The following HAUS6 variants were observed in gnomAD, a reference collection of about 807,000 sequenced individuals.
The protein encoded by HAUS6 is HAUS augmin like complex subunit 6, also known as HAUS augmin-like complex subunit 6.
A neutral mutation model predicts 106.8 loss-of-function variants in HAUS6; 80 were observed. That is an observed-to-expected ratio of 0.75 (90% CI 0.63 to 0.90). HAUS6 has a LOEUF of 0.90. Among genes scored for constraint, HAUS6 ranks in the 40% least tolerant of loss-of-function variants. The pLI is 0.00. For missense variants in HAUS6, 1,155 were observed against 1,118.1 expected (o/e 1.03, Z -0.47); for synonymous variants, 356 against 379.1 (o/e 0.94, Z 0.71).
At chr9:19,101,738 G>A (rs569511144) in intron 1 of HAUS6, among the ~76,000 whole-genome samples, 1 of 152,302 alleles carries the variant, frequency 6.6e-6, no homozygotes, top group South Asian at 2.1e-4. Flanking sequence ...TGGCCAACAT[G>A]GTGAAACCCC....
chr9:19,074,098 T>C (rs1409942422), intron 11 of HAUS6, among the ~76,000 whole-genome samples: 1 of 151,980 alleles, frequency 6.6e-6, no homozygotes, highest in Non-Finnish European at 1.5e-5. Flanking sequence ...ATATAAAAAA[T>C]TAGCCAGGCA....
chr9:19,092,916 C>CAAAAAAAAAAA (rs71494998), intron 4 of HAUS6, among the ~76,000 whole-genome samples: 90 of 76,074 alleles, frequency 1.2e-3, no homozygotes, highest in Middle Eastern at 7.7e-3. Flanking sequence ...AACTGTGTCT[C>CAAAAAAAAAAA]AAAAAAAAAA....
At chr9:19,064,745 C>T (rs1836723446) in intron 12 of HAUS6, among the ~76,000 whole-genome samples, 2 of 152,200 alleles carry the variant, frequency 1.3e-5, no homozygotes, top group Non-Finnish European at 1.5e-5. Flanking sequence ...CTCTTAGAGT[C>T]TTTGCCTACG....
At position 19,059,020 on chromosome 9, in the gene HAUS6, AAC is replaced by A. The variant is rs934703049; in HGVS notation, c.1766-21_1766-20del. ...TCAGTTACTAATTAAAGGGGAGAAA[AAC>A]ACAGTTTACTAACATTCCCAAACAT... On this transcript the variant is annotated intron_variant, in intron 15 of 16. Transcript: ENST00000380502. 5.9e-6 allele frequency: 8 copies of A among 1,358,740 alleles called. No homozygotes were observed. The highest frequency in any genetic ancestry group is 8.3e-6 in the Non-Finnish European group (8 of 961,644). The allele number at this position is 1,358,740 out of a possible 1,614,324, so 84.2% of individuals were successfully genotyped here.
chr9:19,071,276 A>G (rs1477628254), intron 11 of HAUS6, among the ~76,000 whole-genome samples: 1 of 152,224 alleles, frequency 6.6e-6, no homozygotes, highest in African/African-American at 2.4e-5. Flanking sequence ...GGAGGTATCT[A>G]AAGAAAATAC....
intron 4 of HAUS6, 108 bp from the exon 5 acceptor site, chr9:19,089,667 T>G: frequency 1.5e-6 from 1 of 664,838 alleles, no homozygotes; most frequent in Non-Finnish European, 2.4e-6. Context: ...AATCTCCCAC[T>G]GCTAAATCTG....
At chr9:19,096,910 A>G in intron 1 of HAUS6, 141 bp from the exon 2 acceptor site, 1 of 471,558 alleles carries the variant, frequency 2.1e-6, no homozygotes, top group East Asian at 3.6e-5. Flanking sequence ...TTTCTCATTC[A>G]TGTGTATTTT....
intron 14 of HAUS6, 82 bp from the exon 15 acceptor site, chr9:19,060,305 G>T: frequency 9.2e-7 from 1 of 1,091,318 alleles, no homozygotes; most frequent in Non-Finnish European, 1.3e-6. Flanking sequence ...AGGATAATAA[G>T]CACTTCACAG....
intron 4 of HAUS6, among the ~76,000 whole-genome samples, chr9:19,090,707 G>C (rs1817727069): frequency 1.3e-5 from 2 of 152,114 alleles, no homozygotes; most frequent in South Asian, 4.2e-4. Flanking sequence ...AAAAAGATAA[G>C]AGGAGATCAC....
intron 11 of HAUS6, among the ~76,000 whole-genome samples, chr9:19,072,334 G>A (rs1490079958): frequency 2.0e-5 from 3 of 152,094 alleles, no homozygotes; most frequent in Non-Finnish European, 4.4e-5. Flanking sequence ...TCAACATGGT[G>A]AAACCCCGTC....
At chr9:19,060,257 A>G (rs1458772179) in intron 14 of HAUS6, 34 bp from the exon 15 acceptor site, 2 of 1,481,640 alleles carry the variant, frequency 1.3e-6, no homozygotes, top group Admixed American at 2.7e-5. Context: ...AGCAAAGATT[A>G]CCAAGCCCAT....
intron 2 of HAUS6, among the ~76,000 whole-genome samples, chr9:19,095,429 C>T (rs188587083): frequency 6.3e-4 from 94 of 150,384 alleles, no homozygotes; most frequent in African/African-American, 2.2e-3. Context: ...CCATGGTTGA[C>T]GGGTTTCAAA....
rs1333520620 is a variant in HAUS6 at position 19,080,697 on chromosome 9, A to C, written c.871-25T>G. 2.1e-6 allele frequency: 3 copies of C among 1,411,476 alleles called. No individual in the cohort carries two copies. The African/African-American group carries it at 4.3e-5, about 20-fold the overall frequency. 87.4% of individuals were successfully genotyped at this position (1,411,476 alleles called of 1,614,324 possible). A position where few individuals can be genotyped will look rare whatever the true frequency, so the allele number is the denominator to read the frequency against. On this transcript the variant is annotated intron_variant, in intron 8 of 16. Transcript: ENST00000380502. ...ACTAAGGAATCAGGAGGAGAAAAAA[A>C]TTGGTGAACTATAGGTTGTTACAAC...
chr9:19,088,415 C>CAAA (rs11392937), intron 5 of HAUS6, among the ~76,000 whole-genome samples: 3 of 91,360 alleles, frequency 3.3e-5, no homozygotes, highest in Admixed American at 2.4e-4. Flanking sequence ...GACTCCGTCT[C>CAAA]AAAAAAAAAA....
rs538119546 is a variant in HAUS6 at position 19,058,571 on chromosome 9, A to C, written c.2196T>G (p.Phe732Leu). 4 of 1,596,664 alleles carry C rather than the reference A, an allele frequency of 2.5e-6. No individual in the cohort carries two copies. The South Asian group carries it at 3.3e-5, about 13-fold the overall frequency. The change falls in exon 16 of 17, where the codon TTT becomes TTG. Residue 732 changes from phenylalanine (F) to leucine (L), a missense_variant. Phe to Leu is a conservative substitution (Grantham distance 22). Coordinates refer to ENST00000380502, the MANE Select transcript of HAUS6 (RefSeq NM_017645.5). ...CTTCTAAGTGGTCCAATATTTTCAT[A>C]AACTCCTCTTCACTGCCACCCATCA... ...IDVMGGSEEE[F>L]MKILDHLEVS... is the part of the protein sequence containing the mutation.
At position 19,058,456 on chromosome 9, in the gene HAUS6, T is replaced by C; in HGVS notation, c.2311A>G (p.Asn771Asp). ...GTTTCGTGTAATATGCCAAAATCAT[T>C]ATCTTTAAAACTCTTAGAACTAATT... is the stretch of plus-strand genomic sequence containing the variant. ...SGISSKSFKDNDFGILHETLP... is the reference protein window; with the variant it reads ...SGISSKSFKDDDFGILHETLP... Residue 771 changes from asparagine (N) to aspartate (D), a missense_variant, in exon 16 of 17, where the codon AAT becomes GAT. Around this residue, in one of 3 missense-constraint regions of HAUS6, gnomAD observed 380 missense variants for 394.8 expected, o/e 0.96. Coordinates refer to ENST00000380502, the MANE Select transcript of HAUS6 (RefSeq NM_017645.5). 2 of 1,598,148 alleles carry C rather than the reference T, an allele frequency of 1.3e-6. No individual in the cohort carries two copies. Among genetic ancestry groups the C allele is most frequent in the Non-Finnish European group, 1.7e-6 (2 of 1,168,092 alleles).
intron 14 of HAUS6, among the ~76,000 whole-genome samples, chr9:19,062,397 G>A (rs1425540267): frequency 6.6e-6 from 1 of 152,192 alleles, no homozygotes; most frequent in African/African-American, 2.4e-5. Flanking sequence ...ATCTAACCAT[G>A]TAATGGTTAA....
rs772459392 is a variant in HAUS6, at chr9:19,102,657, C to A, written c.-6G>T. On this transcript the variant is annotated 5_prime_UTR_variant, in exon 1 of 17. Coordinates refer to ENST00000380502, the MANE Select transcript of HAUS6 (RefSeq NM_017645.5). ...GTGACCGAGGCCGAGCTCATCCTCG[C>A]GGTAGGCACGGTGGCTGCAAAGAAA... 2 of 1,609,706 alleles carry A rather than the reference C, an allele frequency of 1.2e-6. No individual in the cohort carries two copies. The highest frequency in any genetic ancestry group is 1.7e-6 in the Non-Finnish European group (2 of 1,177,858).
At chr9:19,093,069 AC>A (rs1817788621) in intron 4 of HAUS6, 101 bp downstream of exon 4, 1 of 852,250 alleles carries the variant, frequency 1.2e-6, no homozygotes, top group Non-Finnish European at 1.8e-6. Flanking sequence ...TAATGTTTTA[AC>A]TTACCTTGAT....
Sources: allele counts gnomAD v4.1 joint callset (sites outside exome capture counted in the v4.1 genomes callset), GRCh38; gene constraint gnomAD v4.1.1; regional missense constraint gnomAD v4.1.1; transcripts MANE v1.5; gene names NCBI Gene and HGNC (gene_info 2026-07-23, HGNC 2026-07-21).